CEP164: variants seen among roughly 807,000 people sequenced by gnomAD.
CEP164 encodes the protein centrosomal protein 164.
In CEP164, 162 loss-of-function variants were observed where a neutral mutation model predicts 182.7. The observed-to-expected ratio is 0.89, with a 90% CI of 0.78 to 1.01. The LOEUF is 1.01. Ranked by LOEUF, CEP164 falls within the 50% of genes least tolerant of loss-of-function variation. The pLI is 0.00. For synonymous variants in CEP164, 661 were observed against 690.0 expected (o/e 0.96, Z 0.66); for missense variants, 1,735 against 1,790.4 (o/e 0.97, Z 0.56).
At chr11:117,345,872 A>G (rs748735313) in intron 4 of CEP164, among the ~76,000 whole-genome samples, 1 of 152,120 alleles carries the variant, frequency 6.6e-6, no homozygotes, top group Non-Finnish European at 1.5e-5. Flanking sequence ...TTTTTAGTAG[A>G]GACGGGGTTT....
intron 27 of CEP164, among the ~76,000 whole-genome samples, chr11:117,403,626 T>G (rs2046377204): frequency 6.6e-6 from 1 of 152,184 alleles, no homozygotes; most frequent in Non-Finnish European, 1.5e-5. Flanking sequence ...CTGATGATAA[T>G]GTGTCTTGGG....
intron 14 of CEP164, among the ~76,000 whole-genome samples, chr11:117,384,347 T>C (rs1043459066): frequency 6.6e-6 from 1 of 152,200 alleles, no homozygotes; most frequent in Non-Finnish European, 1.5e-5. Flanking sequence ...GTCTTTCAGA[T>C]GGTGATACAT....
intron 2 of CEP164, among the ~76,000 whole-genome samples, chr11:117,338,096 C>T (rs1029159307): frequency 4.6e-5 from 7 of 152,148 alleles, no homozygotes; most frequent in South Asian, 2.1e-4. Flanking sequence ...AGGTCGTTCC[C>T]GCCACTGGAT....
At position 117,411,404 on chromosome 11, in the gene CEP164, TGTTTTC is replaced by T; in HGVS notation, c.4164-390_4164-385del. 1 of 252,666 alleles carries T rather than the reference TGTTTTC, an allele frequency of 4.0e-6. No individual in the cohort carries two copies. The highest frequency in any genetic ancestry group is 6.3e-5 in the South Asian group (1 of 15,882). 15.7% of individuals were successfully genotyped at this position (252,666 alleles called of 1,614,324 possible). ...TCCATTCATCTCATTCCTTGCCAAA[TGTTTTC>T]CCCTCTCCCTCCCTTAGGCAGCTAA... On this transcript the variant is annotated intron_variant, in intron 31 of 32. Transcript: ENST00000278935. This position sits in a 1 kb window ranked among gnomAD's most constrained non-coding sequence, Gnocchi z 4.4.
At chr11:117,344,921 C>A (rs2038673230) in intron 4 of CEP164, among the ~76,000 whole-genome samples, 1 of 150,924 alleles carries the variant, frequency 6.6e-6, no homozygotes, top group South Asian at 2.1e-4. Context: ...GAGCGAGACT[C>A]CATCTCAAAA....
At chr11:117,401,512 G>C (rs1433326768) in intron 27 of CEP164, among the ~76,000 whole-genome samples, 1 of 152,064 alleles carries the variant, frequency 6.6e-6, no homozygotes, top group Non-Finnish European at 1.5e-5. Context: ...TTAGGGAGGA[G>C]TCCTTTTTCT....
In CEP164 at chr11:117,411,291, C is replaced by T. The variant is rs547097997; in HGVS notation, c.4163+397C>T. On this transcript the variant is annotated intron_variant, in intron 31 of 32. Coordinates refer to ENST00000278935, the MANE Select transcript of CEP164 (RefSeq NM_014956.5). The surrounding 1 kb of genome is among the most constrained non-coding windows in gnomAD (Gnocchi z 4.4). ...GTTTGCTTCCTGTGGCTCCCTTATT[C>T]CCCCAGTCCTGCTGAGCAACATCTG... The T allele has an allele frequency of 5.7e-5, 14 of 246,682 alleles. No individual in the cohort carries two copies. The Admixed American group carries it at 6.7e-4, about 12-fold the overall frequency. 15.3% of individuals were successfully genotyped at this position (246,682 alleles called of 1,614,324 possible).
intron 7 of CEP164, 69 bp from the exon 8 acceptor site, chr11:117,363,360 C>G: frequency 8.4e-7 from 1 of 1,183,984 alleles, no homozygotes; most frequent in Non-Finnish European, 1.3e-6. Flanking sequence ...ACTTTTCCCT[C>G]TGCACACCCC....
At chr11:117,380,866 C>T (rs183819225) in intron 12 of CEP164, among the ~76,000 whole-genome samples, 161 bp downstream of exon 12, 145 of 152,222 alleles carry the variant, frequency 9.5e-4, no homozygotes, top group African/African-American at 3.0e-3. Context: ...TGTGCACATG[C>T]GTGTGTATAT....
rs1006672566 is a variant in CEP164, at chr11:117,351,984, C to T, written c.389C>T (p.Ser130Leu). ...AAGGACAGAGACCCCCCCAAAAGTT[C>T]GCTGGTGAGTCAGTGGATGCCTCCT... ...DKKDRDPPKS[S>L]LALGSSLAPV... Residue 130 changes from serine (S) to leucine (L), a missense_variant, in exon 5 of 33, where the codon TCG becomes TTG. By Grantham distance (145) the Ser-to-Leu change is moderately radical (BLOSUM62 -2). Coordinates refer to ENST00000278935, the MANE Select transcript of CEP164 (RefSeq NM_014956.5). 1.6e-5 allele frequency: 25 copies of T among 1,570,042 alleles called. No individual in the cohort carries two copies. Among genetic ancestry groups the T allele is most frequent in the South Asian group, 2.3e-5 (2 of 86,442 alleles).
chr11:117,398,475 G>C (rs2045757132), intron 27 of CEP164, among the ~76,000 whole-genome samples: 1 of 152,188 alleles, frequency 6.6e-6, no homozygotes, highest in South Asian at 2.1e-4. Context: ...GACTTTGTGT[G>C]GGGGCTCTGA....
chr11:117,352,972 T>A (rs182648852), intron 5 of CEP164, among the ~76,000 whole-genome samples: 221 of 152,292 alleles, frequency 1.5e-3, no homozygotes, highest in African/African-American at 5.1e-3. Flanking sequence ...TTAGTACAAC[T>A]GAGTCTAGGA....
chr11:117,397,094 G>A lies in CEP164; in HGVS notation c.3282G>A (p.Leu1094=). 1 of 1,613,744 alleles carries A rather than the reference G, an allele frequency of 6.2e-7. No individual in the cohort carries two copies. Among genetic ancestry groups the A allele is most frequent in the African/African-American group, 1.3e-5 (1 of 75,052 alleles). The change falls in exon 27 of 33, where the codon CTG becomes CTA. Residue 1094 remains leucine, a synonymous_variant. Coordinates refer to ENST00000278935, the MANE Select transcript of CEP164 (RefSeq NM_014956.5). ...QSKEDLYLDS[L]SSHNVWHLLS... is the part of the protein sequence containing the mutation. The stretch of plus-strand genomic sequence containing the variant: ...TTCTTCAACTCTCCTGCTCCAGCCT[G>A]TCCTCCCACAATGTCTGGCACCTCC...
intron 8 of CEP164, among the ~76,000 whole-genome samples, chr11:117,369,286 C>T (rs61903744): frequency 0.043 from 6,562 of 152,308 alleles, 185 homozygotes; most frequent in Non-Finnish European, 0.051. Flanking sequence ...TTCCCAACAA[C>T]GCTCCTTATG....
chr11:117,394,901 T>C lies in CEP164; in HGVS notation c.2761-19T>C, dbSNP rs1376669595. On this transcript the variant is annotated intron_variant, in intron 21 of 32. Transcript: ENST00000278935. This position sits in a 1 kb window ranked among gnomAD's most constrained non-coding sequence, Gnocchi z 4.0. ...GCCTTACACTCTTTCTATGCTTATG[T>C]GTTTCCCTTTCTGGGCAGGAAAGGA... 1 of 1,612,816 alleles carries C rather than the reference T, an allele frequency of 6.2e-7. No homozygotes were observed. Among genetic ancestry groups the C allele is most frequent in the South Asian group, 1.1e-5 (1 of 90,940 alleles).
chr11:117,327,126 T>C (rs1215699161), upstream of CEP164, among the ~76,000 whole-genome samples: 1 of 152,242 alleles, frequency 6.6e-6, no homozygotes, highest in Non-Finnish European at 1.5e-5. Context: ...ACATACAAAC[T>C]GAACCCTGGG....
intron 27 of CEP164, among the ~76,000 whole-genome samples, chr11:117,397,615 C>T (rs2045647486): frequency 1.3e-5 from 2 of 152,136 alleles, no homozygotes; most frequent in African/African-American, 4.8e-5. Context: ...CTGGGGAGGC[C>T]TCAGAATCAT....
chr11:117,323,820 TG>T, upstream of CEP164: 1 of 380,956 alleles, frequency 2.6e-6, no homozygotes, highest in Non-Finnish European at 5.4e-6. Flanking sequence ...ATTGTGGTTT[TG>T]GTTTGCATTT....
intron 30 of CEP164, 104 bp downstream of exon 30, chr11:117,410,069 T>C (rs755970364): frequency 1.9e-6 from 2 of 1,053,952 alleles, no homozygotes; most frequent in South Asian, 2.7e-5. Context: ...CTCTTCCTCT[T>C]TTGCATCCCT....
Sources: allele counts gnomAD v4.1 joint callset (sites outside exome capture counted in the v4.1 genomes callset), GRCh38; gene constraint gnomAD v4.1.1; non-coding constraint Gnocchi (gnomAD v3.1); transcripts MANE v1.5; gene names NCBI Gene and HGNC (gene_info 2026-07-23, HGNC 2026-07-21).